ATXN1: variants seen among roughly 807,000 people sequenced by gnomAD.
ATXN1 encodes the protein ataxin-1.
Under a neutral mutation model 56.4 loss-of-function variants are expected in ATXN1, and 8 were observed. The ratio of observed to expected loss-of-function variants is 0.14; its 90% CI spans 0.08 to 0.26. The LOEUF is 0.26. Ranked by LOEUF, ATXN1 falls within the 10% of genes least tolerant of loss-of-function variation. The pLI is 1.00. For synonymous variants in ATXN1, 514 were observed against 494.6 expected, an observed-to-expected ratio of 1.04 and a Z score of -0.52; for missense variants, 987 against 1,106.5, an observed-to-expected ratio of 0.89 and a Z score of 1.53.
chr6:16,403,722 A>T (rs926496090), intron 6 of ATXN1, among the ~76,000 whole-genome samples: 1 of 152,140 alleles, frequency 6.6e-6, no homozygotes, highest in Non-Finnish European at 1.5e-5. Context: ...CCATCCTCTG[A>T]CCACTTCATC....
At chr6:16,620,244 C>G (rs531629197) in intron 3 of ATXN1, among the ~76,000 whole-genome samples, 2 of 147,838 alleles carry the variant, frequency 1.4e-5, no homozygotes, top group East Asian at 2.0e-4. Context: ...TATTCTCTCT[C>G]TCTCTCTCTG....
chr6:16,388,216 T>C (rs926141402), intron 6 of ATXN1, among the ~76,000 whole-genome samples: 6 of 152,192 alleles, frequency 3.9e-5, no homozygotes, highest in Non-Finnish European at 7.3e-5. Flanking sequence ...GCAGGTCCCA[T>C]GCAATGCTGT....
chr6:16,617,185 A>C (rs1379516997), intron 3 of ATXN1, among the ~76,000 whole-genome samples: 1 of 152,110 alleles, frequency 6.6e-6, no homozygotes, highest in African/African-American at 2.4e-5. Context: ...AAAATCTCTA[A>C]AGAAAACAAG....
At chr6:16,411,125 C>CAAAAAAAAAA (rs746717153) in intron 6 of ATXN1, among the ~76,000 whole-genome samples, 16 of 80,356 alleles carry the variant, frequency 2.0e-4, no homozygotes, top group Non-Finnish European at 3.3e-4. Flanking sequence ...ACCTCTGTGT[C>CAAAAAAAAAA]AAAAAAAAAA....
chr6:16,698,080 G>A lies in ATXN1; in HGVS notation c.-614-40179C>T, dbSNP rs146092433. Among the ~76,000 whole-genome samples the A allele has an allele frequency of 3.5e-3, 538 of 152,314 alleles. 4 individuals carry two copies. Among genetic ancestry groups the A allele is most frequent in the African/African-American group, 0.012 (501 of 41,574 alleles). On this transcript the variant is annotated intron_variant, in intron 2 of 7. Transcript: ENST00000436367. The stretch of plus-strand genomic sequence containing the variant: ...CATTCTAATCATCCCTTCTAATGGC[G>A]CAGCAAGAGATCATGCACAGAGGTG...
chr6:16,299,982 C>A lies in ATXN1; in HGVS notation c.*6347G>T, dbSNP rs891354303. On this transcript the variant is annotated 3_prime_UTR_variant, in exon 8 of 8. Coordinates refer to ENST00000436367, the MANE Select transcript of ATXN1 (RefSeq NM_001128164.2). ...CAGAGAAAACCTGTGCACCGAGCTTCTTGGTAACTGCTCTGAAGACAACAG... is the reference window on the plus strand; with the variant it reads ...CAGAGAAAACCTGTGCACCGAGCTTATTGGTAACTGCTCTGAAGACAACAG... 6.5e-6 allele frequency: 1 copy of A among 152,684 alleles called. No individual in the cohort carries two copies. Among genetic ancestry groups the A allele is most frequent in the Non-Finnish European group, 1.5e-5 (1 of 68,060 alleles). The allele number at this position is 152,684 out of a possible 1,614,324, so 9.5% of individuals were successfully genotyped here.
chr6:16,316,003 G>A (rs2113388792), intron 7 of ATXN1, among the ~76,000 whole-genome samples: 1 of 152,200 alleles, frequency 6.6e-6, no homozygotes, highest in Non-Finnish European at 1.5e-5. Flanking sequence ...TTATACCAGG[G>A]ATCCCCAACC....
intron 6 of ATXN1, among the ~76,000 whole-genome samples, chr6:16,370,242 T>A (rs943333386): frequency 6.6e-6 from 1 of 151,598 alleles, no homozygotes; most frequent in Non-Finnish European, 1.5e-5. Context: ...GACCCTGGAG[T>A]TGAGAGGAAT....
At chr6:16,358,909 A>G (rs1207271552) in intron 6 of ATXN1, among the ~76,000 whole-genome samples, 2 of 152,176 alleles carry the variant, frequency 1.3e-5, no homozygotes, top group African/African-American at 4.8e-5. Context: ...AGCAGGCAGG[A>G]GCCAGGAACA....
intron 2 of ATXN1, among the ~76,000 whole-genome samples, chr6:16,715,506 C>T (rs1174673571): frequency 6.6e-6 from 1 of 152,194 alleles, no homozygotes; most frequent in Non-Finnish European, 1.5e-5. Flanking sequence ...AGATGTTTAA[C>T]TCTTAATATC....
chr6:16,666,520 CTT>C, intron 2 of ATXN1: 1 of 153,568 alleles, frequency 6.5e-6, no homozygotes, highest in South Asian at 2.1e-4. Context: ...TTCTTTCTTT[CTT>C]TTTTTTTGGA....
intron 6 of ATXN1, among the ~76,000 whole-genome samples, chr6:16,373,027 G>C (rs1031934983): frequency 1.3e-5 from 2 of 152,160 alleles, no homozygotes; most frequent in Non-Finnish European, 2.9e-5. Flanking sequence ...TGGTAGGAAG[G>C]GGACATGTGA....
chr6:16,328,290 C>T lies in ATXN1; in HGVS notation c.21G>A (p.Arg7=). The T allele has an allele frequency of 6.6e-7, 1 of 1,514,344 alleles. No homozygotes were observed. Among genetic ancestry groups the T allele is most frequent in the Non-Finnish European group, 8.8e-7 (1 of 1,135,632 alleles). 93.8% of individuals were successfully genotyped at this position (1,514,344 alleles called of 1,614,324 possible). ...TCTTGGGAGGCAGGCATTCGTTGCT[C>T]CGCTCTTGGTTGGATTTCATTTTTC... The part of the protein sequence containing the change: MKSNQE[R]SNECLPPKKR... Residue 7 remains arginine (R), a synonymous_variant, in exon 7 of 8, where the codon CGG becomes CGA. Transcript: ENST00000436367. This position sits in a 1 kb window ranked among gnomAD's most constrained non-coding sequence, Gnocchi z 6.2.
At chr6:16,397,259 G>GT (rs1179060882) in intron 6 of ATXN1, among the ~76,000 whole-genome samples, 1 of 151,728 alleles carries the variant, frequency 6.6e-6, no homozygotes, top group Non-Finnish European at 1.5e-5. Flanking sequence ...TTTTTGTTTT[G>GT]TTTTTTGTTT....
In ATXN1 at chr6:16,643,055, G is replaced by T. The variant is rs1317867767; in HGVS notation, c.-489+14721C>A. Reference sequence around the variant, plus strand: ...GAGGCTGAGGTGGGTGGATCACCTGGGGTCAGGAGTTCGAGACCAGCCTCA... The same window carrying T: ...GAGGCTGAGGTGGGTGGATCACCTGTGGTCAGGAGTTCGAGACCAGCCTCA... On this transcript the variant is annotated intron_variant, in intron 3 of 7. Coordinates refer to ENST00000436367, the MANE Select transcript of ATXN1 (RefSeq NM_001128164.2). 4.6e-5 allele frequency among the ~76,000 whole-genome samples: 7 copies of T among 151,716 alleles called. No individual in the cohort carries two copies. In the South Asian group the frequency reaches 1.5e-3, roughly 32 times the overall value.
intron 3 of ATXN1, among the ~76,000 whole-genome samples, chr6:16,596,180 G>A (rs1762811739): frequency 1.3e-5 from 2 of 151,918 alleles, no homozygotes; most frequent in Non-Finnish European, 2.9e-5. Flanking sequence ...CTTATTTTTT[G>A]TAAAGACGAG....
chr6:16,593,197 C>A (rs1395583123), intron 3 of ATXN1, among the ~76,000 whole-genome samples: 1 of 152,180 alleles, frequency 6.6e-6, no homozygotes, highest in Non-Finnish European at 1.5e-5. Context: ...CCCAGGAAGT[C>A]CAGCTGGCTT....
intron 4 of ATXN1, among the ~76,000 whole-genome samples, chr6:16,583,205 G>T (rs1321329292): frequency 1.3e-5 from 2 of 152,158 alleles, no homozygotes; most frequent in African/African-American, 4.8e-5. Context: ...ATACAGAGCT[G>T]TTCAAATTAG....
Position 16,694,232 on chromosome 6 carries a change from GT to G in ATXN1, c.-614-36332del, listed in dbSNP as rs1269217010. On this transcript the variant is annotated intron_variant, in intron 2 of 7. Transcript: ENST00000436367. ...ACATTTAGTTTACTGGGTAAGTTTTGTCACTTCTTTTTTTTTTTTCTTTTTT... is the reference window on the plus strand; with the variant it reads ...ACATTTAGTTTACTGGGTAAGTTTTGCACTTCTTTTTTTTTTTTCTTTTTT... Among the ~76,000 whole-genome samples, 9 of 146,358 alleles carry G rather than the reference GT, an allele frequency of 6.1e-5. No individual in the cohort carries two copies. The East Asian group carries it at 1.8e-3, about 29-fold the overall frequency.
Sources: allele counts gnomAD v4.1 joint callset (sites outside exome capture counted in the v4.1 genomes callset), GRCh38; gene constraint gnomAD v4.1.1; non-coding constraint Gnocchi (gnomAD v3.1); transcripts MANE v1.5; gene names NCBI Gene and HGNC (gene_info 2026-07-23, HGNC 2026-07-21).